The following AGBL4 variants were observed in gnomAD, a reference collection of about 807,000 sequenced individuals.
AGBL4 encodes the protein AGBL carboxypeptidase 4, also known as cytosolic carboxypeptidase 6.
A neutral mutation model predicts 66.4 loss-of-function variants in AGBL4; 58 were observed. The observed-to-expected ratio is 0.87, with a 90% CI of 0.71 to 1.09. AGBL4 has a LOEUF of 1.09. Among genes scored for constraint, AGBL4 ranks in the 50% least tolerant of loss-of-function variants. AGBL4 has a pLI of 0.00. For missense variants in AGBL4, 579 were observed against 631.0 expected, an observed-to-expected ratio of 0.92 and a Z score of 0.88; for synonymous variants, 234 against 222.9, an observed-to-expected ratio of 1.05 and a Z score of -0.44.
chr1:48,970,735 C>T (rs1041257747), intron 5 of AGBL4, among the ~76,000 whole-genome samples: 1 of 152,128 alleles, frequency 6.6e-6, no homozygotes, highest in African/African-American at 2.4e-5. Context: ...AGTAGCCTAA[C>T]AAGGCCTTTC....
chr1:48,638,631 C>T (rs1449678447), intron 8 of AGBL4, among the ~76,000 whole-genome samples: 1 of 152,192 alleles, frequency 6.6e-6, no homozygotes, highest in Non-Finnish European at 1.5e-5. Context: ...AGGTGCTTTT[C>T]TTCTGCTCCC....
intron 6 of AGBL4, among the ~76,000 whole-genome samples, chr1:48,837,034 T>C (rs1297283596): frequency 2.0e-5 from 3 of 148,056 alleles, no homozygotes; most frequent in East Asian, 1.9e-4. Flanking sequence ...ACATAAGTAA[T>C]ATGATAATAT....
At chr1:49,274,257 G>T (rs1343766623) in intron 3 of AGBL4, among the ~76,000 whole-genome samples, 1 of 152,030 alleles carries the variant, frequency 6.6e-6, no homozygotes, top group Non-Finnish European at 1.5e-5. Flanking sequence ...TCAGTCTTTA[G>T]ACCTGAAATT....
intron 6 of AGBL4, among the ~76,000 whole-genome samples, chr1:48,757,296 C>T (rs1249712653): frequency 6.6e-6 from 1 of 152,152 alleles, no homozygotes; most frequent in African/African-American, 2.4e-5. Flanking sequence ...TATCCCCATC[C>T]CCCATCACCA....
chr1:48,970,633 AG>A (rs1658826017), intron 5 of AGBL4, among the ~76,000 whole-genome samples: 2 of 152,164 alleles, frequency 1.3e-5, no homozygotes, highest in Admixed American at 1.3e-4. Flanking sequence ...AAAATCTGAA[AG>A]GTTTCAGAAA....
intron 2 of AGBL4, among the ~76,000 whole-genome samples, chr1:49,814,706 G>T (rs1645189240): frequency 6.6e-6 from 1 of 152,030 alleles, no homozygotes; most frequent in South Asian, 2.1e-4. Context: ...TCAATGCAGT[G>T]TTGTACAAAT....
At position 49,614,623 on chromosome 1, in the gene AGBL4, T is replaced by C. The variant is rs374382083; in HGVS notation, c.282+82690A>G. Among the ~76,000 whole-genome samples, 50 of 152,284 alleles carry C rather than the reference T, an allele frequency of 3.3e-4. 1 individual carries two copies. In the South Asian group the frequency reaches 9.5e-3, roughly 29 times the overall value. On this transcript the variant is annotated intron_variant, in intron 3 of 13. Coordinates refer to ENST00000371839, the MANE Select transcript of AGBL4 (RefSeq NM_032785.4). ...GTTCCCTCTAGTAGTACTTTTATAG[T>C]ATTTTTCCAAAAGCAGTTGTACCAA...
chr1:49,284,019 T>C (rs1411572026), intron 3 of AGBL4, among the ~76,000 whole-genome samples: 10 of 148,970 alleles, frequency 6.7e-5, no homozygotes, highest in Non-Finnish European at 1.2e-4. Flanking sequence ...ATACAGAGAA[T>C]GCCACAAAGA....
intron 3 of AGBL4, among the ~76,000 whole-genome samples, chr1:49,379,589 GC>G (rs1644548860): frequency 6.6e-6 from 1 of 152,112 alleles, no homozygotes; most frequent in Non-Finnish European, 1.5e-5. Context: ...TTAGCATGAA[GC>G]GTTGTTGAAT....
chr1:49,136,886 C>T (rs1646022500), intron 4 of AGBL4, among the ~76,000 whole-genome samples: 1 of 152,050 alleles, frequency 6.6e-6, no homozygotes, highest in African/African-American at 2.4e-5. Flanking sequence ...CAAAAATATG[C>T]TAGTCTTTCA....
intron 6 of AGBL4, among the ~76,000 whole-genome samples, chr1:48,732,202 G>A (rs1648249169): frequency 6.6e-6 from 1 of 152,120 alleles, no homozygotes; most frequent in African/African-American, 2.4e-5. Context: ...ACATAGAAGA[G>A]GCAAAGGCTT....
At chr1:48,848,119 A>G (rs2148805339) in intron 6 of AGBL4, among the ~76,000 whole-genome samples, 1 of 152,310 alleles carries the variant, frequency 6.6e-6, no homozygotes, top group African/African-American at 2.4e-5. Flanking sequence ...TTCTACTGTG[A>G]AGCCAGGGGA....
At chr1:49,177,709 G>A (rs1646857982) in intron 4 of AGBL4, among the ~76,000 whole-genome samples, 1 of 152,016 alleles carries the variant, frequency 6.6e-6, no homozygotes, top group African/African-American at 2.4e-5. Context: ...CCAATCTATT[G>A]ATTTCATATT....
rs1017613254 is a variant in AGBL4 at position 48,653,351 on chromosome 1, G to A, written c.825C>T (p.Tyr275=). 4 of 1,577,894 alleles carry A rather than the reference G, an allele frequency of 2.5e-6. No homozygotes were observed. In the African/African-American group the frequency reaches 5.4e-5, roughly 21 times the overall value. The change falls in exon 8 of 14, where the codon TAC becomes TAT. Residue 275 remains tyrosine (Y), a synonymous_variant. Coordinates refer to ENST00000371839, the MANE Select transcript of AGBL4 (RefSeq NM_032785.4). ...CAATTCCTTACCTGTAATTGCCCAG[G>A]TAGACTCCATCAGGATTGAGCATTG... is the stretch of plus-strand genomic sequence containing the variant. The part of the protein sequence containing the change: ...IAPMLNPDGV[Y]LGNYRCSLMG...
At chr1:49,125,711 A>G (rs1206065450) in intron 4 of AGBL4, among the ~76,000 whole-genome samples, 2 of 152,176 alleles carry the variant, frequency 1.3e-5, no homozygotes, top group Non-Finnish European at 2.9e-5. Context: ...ACAGTGATGC[A>G]AGCAGTATTA....
chr1:48,734,814 T>C (rs1288115327), intron 6 of AGBL4, among the ~76,000 whole-genome samples: 1 of 152,262 alleles, frequency 6.6e-6, no homozygotes, highest in Non-Finnish European at 1.5e-5. Context: ...CCTGAAGTTA[T>C]CGAGCTTGTT....
intron 1 of AGBL4, among the ~76,000 whole-genome samples, chr1:49,856,751 T>C (rs373270801): frequency 2.1e-4 from 32 of 152,024 alleles, no homozygotes; most frequent in South Asian, 1.0e-3. Flanking sequence ...AGGCAATATA[T>C]GACAAACCCA....
chr1:49,535,371 TTATAA>T (rs1485853605), intron 3 of AGBL4, among the ~76,000 whole-genome samples: 3 of 147,860 alleles, frequency 2.0e-5, no homozygotes, highest in African/African-American at 4.9e-5. Flanking sequence ...TTATTATATA[TTATAA>T]TATATAATAA....
At chr1:49,443,444 A>G (rs1570729609) in intron 3 of AGBL4, among the ~76,000 whole-genome samples, 1 of 152,042 alleles carries the variant, frequency 6.6e-6, no homozygotes, top group Non-Finnish European at 1.5e-5. Context: ...GATTTTTTAT[A>G]TGGTGACAAA....
Sources: allele counts gnomAD v4.1 joint callset (sites outside exome capture counted in the v4.1 genomes callset), GRCh38; gene constraint gnomAD v4.1.1; transcripts MANE v1.5; gene names NCBI Gene and HGNC (gene_info 2026-07-23, HGNC 2026-07-21).